Variants in ATRNL1 observed in about 807,000 individuals in gnomAD.
ATRNL1 encodes the protein attractin like 1, also known as attractin-like protein 1.
In ATRNL1, 95 loss-of-function variants were observed where a neutral mutation model predicts 182.7. That is an observed-to-expected ratio of 0.52 (90% CI 0.44 to 0.62). The LOEUF is 0.62. ATRNL1 is among the 20% of genes least tolerant of loss of function. The probability of loss-of-function intolerance (pLI) is 0.00; values close to 1 mark genes in which losing one functional copy is unlikely to be tolerated. For missense variants in ATRNL1, 1,471 were observed against 1,679.5 expected (o/e 0.88, Z 2.17); for synonymous variants, 576 against 568.3 (o/e 1.01, Z -0.19).
chr10:115,767,545 G>T (rs1555075320), intron 27 of ATRNL1, among the ~76,000 whole-genome samples: 3 of 152,066 alleles, frequency 2.0e-5, no homozygotes. Flanking sequence ...TATTTCAGTA[G>T]CACTCCTTGT....
intron 20 of ATRNL1, among the ~76,000 whole-genome samples, chr10:115,415,809 G>C (rs919266627): frequency 6.6e-6 from 1 of 151,686 alleles, no homozygotes; most frequent in East Asian, 1.9e-4. Flanking sequence ...TTTATTATGA[G>C]GACTGTCTTA....
chr10:115,687,096 T>A (rs1946242657), intron 26 of ATRNL1, among the ~76,000 whole-genome samples: 1 of 152,076 alleles, frequency 6.6e-6, no homozygotes, highest in African/African-American at 2.4e-5. Flanking sequence ...TGGATTATGA[T>A]GTTTTACATA....
intron 21 of ATRNL1, among the ~76,000 whole-genome samples, chr10:115,453,534 A>C (rs1015492188): frequency 6.6e-6 from 1 of 151,746 alleles, no homozygotes; most frequent in Non-Finnish European, 1.5e-5. Flanking sequence ...TTTTAGTTTG[A>C]TGTAATTTCA....
chr10:115,320,417 TC>T (rs1854522728), intron 18 of ATRNL1, among the ~76,000 whole-genome samples: 1 of 152,188 alleles, frequency 6.6e-6, no homozygotes, highest in Non-Finnish European at 1.5e-5. Context: ...TCTCTGTATT[TC>T]CTGAATTTGA....
chr10:115,510,428 A>G (rs1339658367), intron 24 of ATRNL1, among the ~76,000 whole-genome samples: 2 of 152,034 alleles, frequency 1.3e-5, no homozygotes, highest in East Asian at 1.9e-4. Context: ...CTCAGGAACC[A>G]TTACCCTGAT....
intron 19 of ATRNL1, among the ~76,000 whole-genome samples, chr10:115,384,133 C>A (rs1554951971): frequency 6.6e-6 from 1 of 151,866 alleles, no homozygotes; most frequent in Non-Finnish European, 1.5e-5. Context: ...AGATGCAAAA[C>A]CTATGCAAAC....
At chr10:115,292,887 T>C (rs1242400857) in intron 15 of ATRNL1, among the ~76,000 whole-genome samples, 1 of 152,192 alleles carries the variant, frequency 6.6e-6, no homozygotes, top group Non-Finnish European at 1.5e-5. Context: ...TATGCTGCAG[T>C]TTAAATCTGA....
intron 24 of ATRNL1, among the ~76,000 whole-genome samples, chr10:115,474,007 A>G (rs1458044894): frequency 6.6e-6 from 1 of 151,252 alleles, no homozygotes; most frequent in African/African-American, 2.4e-5. Flanking sequence ...AAATTGTTTT[A>G]AAAACCAACT....
At chr10:115,540,722 A>C (rs1339574846) in intron 25 of ATRNL1, among the ~76,000 whole-genome samples, 1 of 148,712 alleles carries the variant, frequency 6.7e-6, no homozygotes, top group Non-Finnish European at 1.5e-5. Flanking sequence ...ATGCCATTGC[A>C]CTCCAGCCTG....
At chr10:115,911,255 C>A (rs1448364320) in intron 28 of ATRNL1, among the ~76,000 whole-genome samples, 1 of 152,102 alleles carries the variant, frequency 6.6e-6, no homozygotes, top group Non-Finnish European at 1.5e-5. Context: ...CTGCCTCAGC[C>A]TCCCAAAGTG....
intron 27 of ATRNL1, among the ~76,000 whole-genome samples, chr10:115,783,064 T>C (rs1555079634): frequency 6.6e-6 from 1 of 152,222 alleles, no homozygotes; most frequent in Non-Finnish European, 1.5e-5. Flanking sequence ...TTATTCAGCA[T>C]GGATTAATTT....
intron 10 of ATRNL1, among the ~76,000 whole-genome samples, chr10:115,248,487 A>G (rs950710751): frequency 6.6e-6 from 1 of 152,214 alleles, no homozygotes; most frequent in Non-Finnish European, 1.5e-5. Flanking sequence ...TAGGAATTCA[A>G]CTGTGATTCG....
rs782151738 is a variant in ATRNL1 at position 115,093,942 on chromosome 10, G to C, written c.192G>C (p.Glu64Asp). ...AGGTGTCCCAGTCCAAGCCGTGCGA[G>C]AGGACCGGCTCCTGCTTCTCGGGCC... is the stretch of plus-strand genomic sequence containing the variant. Reference protein sequence around the residue: ...YAQVSQSKPCERTGSCFSGRC... With the variant: ...YAQVSQSKPCDRTGSCFSGRC... The change falls in exon 1 of 29, where the codon GAG becomes GAC. Residue 64 changes from glutamate (E) to aspartate (D), a missense_variant. This residue lies in a region of ATRNL1 where 1,031 missense variants were observed against 1,156.0 expected (regional missense o/e 0.89). Transcript: ENST00000355044. The surrounding 1 kb of genome is among the most constrained non-coding windows in gnomAD (Gnocchi z 6.1). The C allele has an allele frequency of 2.5e-6, 4 of 1,595,636 alleles. No individual in the cohort carries two copies. In the South Asian group the frequency reaches 3.4e-5, roughly 14 times the overall value.
At chr10:115,154,759 C>T (rs1846420805) in intron 5 of ATRNL1, among the ~76,000 whole-genome samples, 1 of 152,090 alleles carries the variant, frequency 6.6e-6, no homozygotes, top group African/African-American at 2.4e-5. Context: ...TCTGGATGAT[C>T]TGTCTAATGC....
intron 20 of ATRNL1, among the ~76,000 whole-genome samples, chr10:115,403,944 CAA>C (rs2134312780): frequency 6.6e-6 from 1 of 152,174 alleles, no homozygotes; most frequent in African/African-American, 2.4e-5. Flanking sequence ...GAGACAGTAC[CAA>C]AAGCATACAT....
intron 19 of ATRNL1, among the ~76,000 whole-genome samples, chr10:115,367,512 C>G (rs2134180670): frequency 6.6e-6 from 1 of 151,912 alleles, no homozygotes; most frequent in Middle Eastern, 3.4e-3. Flanking sequence ...GCCTTCTTCT[C>G]TCAGCTCGTC....
Position 115,847,876 on chromosome 10 carries a change from G to A in ATRNL1, c.3904-1G>A. 3.1e-6 allele frequency: 5 copies of A among 1,588,528 alleles called. No individual in the cohort carries two copies. The highest frequency in any genetic ancestry group is 4.3e-6 in the Non-Finnish European group (5 of 1,157,378). ...AACTTAAAGTGGGTTTTCTTTTTCAGGGGGCACCCAAGCCAATTGCCATTG... is the reference window on the plus strand; with the variant it reads ...AACTTAAAGTGGGTTTTCTTTTTCAAGGGGCACCCAAGCCAATTGCCATTG... On this transcript the variant is annotated splice_acceptor_variant, in intron 27 of 28. Coordinates refer to ENST00000355044, the MANE Select transcript of ATRNL1 (RefSeq NM_207303.4). LOFTEE classifies it high-confidence loss of function.
At chr10:115,871,754 C>T (rs924131291) in intron 28 of ATRNL1, among the ~76,000 whole-genome samples, 2 of 152,058 alleles carry the variant, frequency 1.3e-5, no homozygotes, top group South Asian at 2.1e-4. Context: ...ACTGAGTCAA[C>T]TAAATAATAA....
chr10:115,754,387 A>G (rs1948529459), intron 27 of ATRNL1, among the ~76,000 whole-genome samples: 1 of 152,140 alleles, frequency 6.6e-6, no homozygotes, highest in Non-Finnish European at 1.5e-5. Flanking sequence ...AGCTTTCTGC[A>G]TATGGCCAGC....
Sources: gnomAD v4.1 joint callset for allele counts (sites outside exome capture counted in the v4.1 genomes callset) on GRCh38, gnomAD v4.1.1 for gene constraint, gnomAD v4.1.1 regional missense constraint, Gnocchi (gnomAD v3.1) non-coding constraint, MANE v1.5 for transcripts, NCBI Gene and HGNC (gene_info 2026-07-23, HGNC 2026-07-21) for gene names.